The following TDRP variants were observed in gnomAD, a reference collection of about 807,000 sequenced individuals.
The protein encoded by TDRP is testis development related protein, also known as testis development-related protein.
In TDRP, 12 loss-of-function variants were observed where a neutral mutation model predicts 10.5. The observed-to-expected ratio is 1.15, with a 90% confidence interval of 0.73 to 1.86. The LOEUF is 1.86. TDRP is among the 40% of genes most tolerant of loss of function. TDRP has a pLI of 0.00. For synonymous variants in TDRP, 139 were observed against 95.4 expected, an observed-to-expected ratio of 1.46 and a Z score of -2.67; for missense variants, 353 against 229.2, an observed-to-expected ratio of 1.54 and a Z score of -3.49.
chr8:516,221 C>G (rs899203407), intron 1 of TDRP, among the ~76,000 whole-genome samples: 1 of 152,112 alleles, frequency 6.6e-6, no homozygotes, highest in Non-Finnish European at 1.5e-5. Flanking sequence ...CTAACCTATT[C>G]CCTTGTCATA....
chr8:541,921 C>T (rs571778023), intron 1 of TDRP, among the ~76,000 whole-genome samples: 1 of 152,280 alleles, frequency 6.6e-6, no homozygotes, highest in East Asian at 1.9e-4. Flanking sequence ...AAGTTGGAAA[C>T]TTAAATTCAC....
chr8:517,987 A>C (rs1037562335), intron 1 of TDRP, among the ~76,000 whole-genome samples: 5 of 152,294 alleles, frequency 3.3e-5, no homozygotes, highest in Non-Finnish European at 5.9e-5. Context: ...AGCACAGTGG[A>C]ATTTTAAATC....
At chr8:530,853 C>T (rs576545486) in intron 1 of TDRP, among the ~76,000 whole-genome samples, 5 of 152,166 alleles carry the variant, frequency 3.3e-5, no homozygotes, top group Non-Finnish European at 7.4e-5. Context: ...CATTCCTGCC[C>T]AAGGGATAAG....
At chr8:500,612 C>A (rs140620023) in intron 1 of TDRP, among the ~76,000 whole-genome samples, 167 of 152,306 alleles carry the variant, frequency 1.1e-3, no homozygotes, top group African/African-American at 3.8e-3. Flanking sequence ...GATACAGTGT[C>A]ATTTGCGTTT....
chr8:544,453 G>T (rs548524484), intron 1 of TDRP, among the ~76,000 whole-genome samples, 197 bp downstream of exon 1: 2 of 152,082 alleles, frequency 1.3e-5, no homozygotes, highest in Non-Finnish European at 2.9e-5. Context: ...AGCCCAGGAC[G>T]AGCCTCGGGT....
intron 1 of TDRP, among the ~76,000 whole-genome samples, chr8:533,366 G>A (rs1262897175): frequency 6.6e-6 from 1 of 152,114 alleles, no homozygotes; most frequent in African/African-American, 2.4e-5. Context: ...GACTGTCAGG[G>A]CACGCCCTTC....
At chr8:498,944 T>C (rs1455559472) in intron 1 of TDRP, among the ~76,000 whole-genome samples, 1 of 152,106 alleles carries the variant, frequency 6.6e-6, no homozygotes, top group African/African-American at 2.4e-5. Flanking sequence ...TCCCTTCACC[T>C]CCTTACGTAA....
intron 1 of TDRP, among the ~76,000 whole-genome samples, chr8:499,702 G>C (rs1228100385): frequency 6.6e-6 from 1 of 152,216 alleles, no homozygotes; most frequent in East Asian, 1.9e-4. Context: ...ATCAAAACCA[G>C]ATATCTCGGT....
At chr8:530,051 ACTTTTC>A (rs145104221) in intron 1 of TDRP, among the ~76,000 whole-genome samples, 3,001 of 151,756 alleles carry the variant, frequency 0.02, 94 homozygotes, top group African/African-American at 0.068. Context: ...CTTAGGCTTT[ACTTTTC>A]ATTTTTTTTT....
At chr8:524,541 G>C (rs534617559) in intron 1 of TDRP, among the ~76,000 whole-genome samples, 30 of 152,264 alleles carry the variant, frequency 2.0e-4, no homozygotes, top group South Asian at 1.2e-3. Context: ...AGATGACACA[G>C]AGAAGGAATT....
chr8:504,316 T>C (rs1353385602), intron 1 of TDRP, among the ~76,000 whole-genome samples: 4 of 152,232 alleles, frequency 2.6e-5, no homozygotes, highest in Admixed American at 1.3e-4. Flanking sequence ...TCCTTTGATA[T>C]GCTCCAGACA....
In TDRP at chr8:494,500, G is replaced by C; in HGVS notation, c.206C>G (p.Ser69Cys). 1 of 1,613,534 alleles carries C rather than the reference G, an allele frequency of 6.2e-7. No homozygotes were observed. Among genetic ancestry groups the C allele is most frequent in the Non-Finnish European group, 8.5e-7 (1 of 1,179,638 alleles). ...TTACACAGTTATGACTTACCCTTTG[G>C]ACTTGGGAGATTTACATCTTTCCAG... ...HLLERCKSPK[S>C]KGTNLRLKEE... Residue 69 changes from serine (S) to cysteine (C), a missense_variant, in exon 2 of 3, where the codon TCC (serine) becomes TGC (cysteine). Ser to Cys is a moderately radical substitution (Grantham distance 112). Coordinates refer to ENST00000324079, the MANE Select transcript of TDRP (RefSeq NM_001384899.1).
intron 1 of TDRP, among the ~76,000 whole-genome samples, chr8:512,071 A>T (rs929151337): frequency 6.6e-6 from 1 of 152,186 alleles, no homozygotes; most frequent in African/African-American, 2.4e-5. Flanking sequence ...AGCACAAATT[A>T]ATCAATAGAG....
chr8:504,428 G>A (rs1182930456), intron 1 of TDRP, among the ~76,000 whole-genome samples: 1 of 152,096 alleles, frequency 6.6e-6, no homozygotes, highest in African/African-American at 2.4e-5. Flanking sequence ...GGGGAGGCAG[G>A]GGAAGGGCCT....
intron 1 of TDRP, among the ~76,000 whole-genome samples, chr8:500,682 G>C (rs932463749): frequency 6.6e-6 from 1 of 152,184 alleles, no homozygotes; most frequent in African/African-American, 2.4e-5. Context: ...TCCCAATAAA[G>C]CAGATGGAAA....
In TDRP at chr8:490,843, C is replaced by T. The variant is rs1800949904; in HGVS notation, c.*1556G>A. The stretch of plus-strand genomic sequence containing the variant: ...TTTGAACACCAATTGAAACATGTCC[C>T]CCTTTCAAGACTTGATAAGTAAACT... On this transcript the variant is annotated 3_prime_UTR_variant, in exon 3 of 3. Transcript: ENST00000324079. 6.6e-6 allele frequency: 1 copy of T among 151,970 alleles called. No individual in the cohort carries two copies. The highest frequency in any genetic ancestry group is 6.6e-5 in the Admixed American group (1 of 15,260). The allele number at this position is 151,970 out of a possible 1,614,324, so 9.4% of individuals were successfully genotyped here.
At chr8:532,858 T>G (rs1802243383) in intron 1 of TDRP, among the ~76,000 whole-genome samples, 1 of 66,864 alleles carries the variant, frequency 1.5e-5, no homozygotes, top group Admixed American at 2.1e-4. Context: ...CATTTACAAG[T>G]TGCCTACGGC....
At chr8:534,726 C>T (rs930229254) in intron 1 of TDRP, among the ~76,000 whole-genome samples, 4 of 152,116 alleles carry the variant, frequency 2.6e-5, no homozygotes, top group African/African-American at 7.2e-5. Flanking sequence ...AAGTTGTGGA[C>T]GACTTTGAAG....
chr8:511,418 A>G (rs149630363), intron 1 of TDRP, among the ~76,000 whole-genome samples: 1 of 152,306 alleles, frequency 6.6e-6, no homozygotes, highest in Admixed American at 6.5e-5. Context: ...TCAGGAAGAT[A>G]TAACAATTAA....
Sources: gnomAD v4.1 joint callset for allele counts (sites outside exome capture counted in the v4.1 genomes callset) on GRCh38, gnomAD v4.1.1 for gene constraint, MANE v1.5 for transcripts, NCBI Gene and HGNC (gene_info 2026-07-23, HGNC 2026-07-21) for gene names.